The following MTCL1 variants were observed in gnomAD, a reference collection of about 807,000 sequenced individuals.
The protein encoded by MTCL1 is microtubule cross-linking factor 1.
A neutral mutation model predicts 141.4 loss-of-function variants in MTCL1; 79 were observed. That is an observed-to-expected ratio of 0.56 (90% CI 0.47 to 0.67). The LOEUF (loss-of-function observed/expected upper bound fraction) is 0.67. MTCL1 is among the 30% of genes least tolerant of loss of function. The pLI, the probability that MTCL1 is intolerant of heterozygous loss-of-function variation, is 0.00. For synonymous variants in MTCL1, 914 were observed against 875.8 expected (o/e 1.04, Z -0.77); for missense variants, 2,177 against 2,113.9 (o/e 1.03, Z -0.59).
chr18:8,734,131 C>G (rs892435835), intron 4 of MTCL1, among the ~76,000 whole-genome samples: 1 of 151,886 alleles, frequency 6.6e-6, no homozygotes, highest in Non-Finnish European at 1.5e-5. Flanking sequence ...GGTCCTGCTT[C>G]GTTGTGGGGA....
chr18:8,817,449 G>C (rs917967931), intron 12 of MTCL1, among the ~76,000 whole-genome samples: 3 of 152,084 alleles, frequency 2.0e-5, no homozygotes, highest in African/African-American at 7.2e-5. Flanking sequence ...GGCTGAATCA[G>C]ACTCCATCTT....
intron 4 of MTCL1, among the ~76,000 whole-genome samples, chr18:8,734,902 A>G (rs1292363117): frequency 1.3e-5 from 2 of 152,188 alleles, no homozygotes; most frequent in East Asian, 1.9e-4. Flanking sequence ...TGCCTGCAGC[A>G]TCTCCTTTAC....
chr18:8,829,242 T>A, intron 16 of MTCL1: 1 of 985,480 alleles, frequency 1.0e-6, no homozygotes, highest in Non-Finnish European at 1.2e-6. Flanking sequence ...GCAGCCAATA[T>A]GCTTTCAGAG....
intron 11 of MTCL1, among the ~76,000 whole-genome samples, chr18:8,808,188 C>T (rs893763066): frequency 1.6e-4 from 24 of 152,176 alleles, no homozygotes; most frequent in African/African-American, 2.2e-4. Context: ...CTGCTGCCCG[C>T]GGGGGATTTG....
exon 1 of MTCL1, chr18:8,706,348 G>T: frequency 8.1e-7 from 1 of 1,230,490 alleles, no homozygotes; most frequent in Non-Finnish European, 1.0e-6. Flanking sequence ...GCTCCCTGCC[G>T]CCAGCAGCGA....
chr18:8,829,621 T>C (rs1310921898), intron 16 of MTCL1: 4 of 985,286 alleles, frequency 4.1e-6, no homozygotes, highest in Non-Finnish European at 4.8e-6. Context: ...GATATACTTT[T>C]TGATCAAGGA....
intron 4 of MTCL1, among the ~76,000 whole-genome samples, chr18:8,736,181 G>A (rs557715836): frequency 6.6e-6 from 1 of 152,232 alleles, no homozygotes; most frequent in South Asian, 2.1e-4. Context: ...AAAACATGCT[G>A]CCAATTACAT....
chr18:8,791,434 A>G (rs1311007474), intron 7 of MTCL1, among the ~76,000 whole-genome samples: 3 of 149,922 alleles, frequency 2.0e-5, no homozygotes, highest in South Asian at 2.2e-4. Context: ...ACCCAAATCC[A>G]TACTAGATCC....
chr18:8,794,588 C>T (rs910415813), intron 8 of MTCL1, among the ~76,000 whole-genome samples: 4 of 152,136 alleles, frequency 2.6e-5, no homozygotes, highest in African/African-American at 7.2e-5. Flanking sequence ...CTTCACATTG[C>T]CCCTGAGGCC....
intron 1 of MTCL1, among the ~76,000 whole-genome samples, chr18:8,708,725 C>T (rs184593643): frequency 3.3e-5 from 5 of 152,254 alleles, no homozygotes; most frequent in African/African-American, 7.2e-5. Flanking sequence ...GTGAGAGGGC[C>T]GTCATGCCCG....
intron 4 of MTCL1, among the ~76,000 whole-genome samples, chr18:8,775,001 G>T (rs2096500371): frequency 6.6e-6 from 1 of 152,080 alleles, no homozygotes; most frequent in Non-Finnish European, 1.5e-5. Flanking sequence ...CCATCCAAGG[G>T]CTCCCACCCA....
chr18:8,705,973 C>G lies in MTCL1; in HGVS notation c.313C>G (p.Pro105Ala), dbSNP rs1259179774. The change falls in exon 1 of 14, where the codon CCG becomes GCG. Residue 105 changes from proline (P) to alanine (A), a missense_variant. Transcript: ENST00000306329. The surrounding 1 kb of genome is among the most constrained non-coding windows in gnomAD (Gnocchi z 5.2). ...CCTCTCTCGGCGCAGTGGCGGCGTC[C>G]CGGGCGCGAAGGACAAGCCCCCGCC... 4.4e-6 allele frequency: 5 copies of G among 1,132,512 alleles called. No individual in the cohort carries two copies. 70.2% of individuals were successfully genotyped at this position (1,132,512 alleles called of 1,614,324 possible). A position where few individuals can be genotyped will look rare whatever the true frequency, so the allele number is the denominator to read the frequency against.
At chr18:8,765,211 G>A (rs564522489) in intron 4 of MTCL1, among the ~76,000 whole-genome samples, 3 of 152,158 alleles carry the variant, frequency 2.0e-5, no homozygotes, top group East Asian at 3.9e-4. Flanking sequence ...GATAAATGTC[G>A]TGGCAGCAGG....
At chr18:8,744,868 C>A (rs1453496733) in intron 4 of MTCL1, among the ~76,000 whole-genome samples, 6 of 152,222 alleles carry the variant, frequency 3.9e-5, no homozygotes, top group South Asian at 4.1e-4. Context: ...CCCTCCACCC[C>A]CCGGAAGTTC....
At chr18:8,831,748 T>C (rs762441352) in exon 17 of MTCL1, 62 of 1,550,254 alleles carry the variant, frequency 4.0e-5, no homozygotes, top group Non-Finnish European at 5.2e-5. Flanking sequence ...AGACCCGACG[T>C]CCTTGGAGGA....
At chr18:8,770,820 G>C (rs1025489217) in intron 4 of MTCL1, among the ~76,000 whole-genome samples, 1 of 152,218 alleles carries the variant, frequency 6.6e-6, no homozygotes, top group Middle Eastern at 3.4e-3. Context: ...TTTTCCACTG[G>C]ATCTGAGAAG....
chr18:8,725,846 G>T (rs528244687), intron 4 of MTCL1, among the ~76,000 whole-genome samples: 117 of 134,166 alleles, frequency 8.7e-4, no homozygotes, highest in African/African-American at 3.2e-3. Flanking sequence ...CTGGAGTGCA[G>T]TGGCACGATC....
intron 4 of MTCL1, among the ~76,000 whole-genome samples, chr18:8,725,205 G>C (rs1010878016): frequency 3.3e-5 from 5 of 152,078 alleles, no homozygotes; most frequent in African/African-American, 1.2e-4. Context: ...ACATGTTCTA[G>C]ATCATTCCAG....
rs117991393 is a variant in MTCL1, at chr18:8,768,008, C to T, written c.358-9825C>T. The stretch of plus-strand genomic sequence containing the variant: ...TGTCATTAAAATTTTTTAGTAATCA[C>T]GATTTTTAATGGCTACACAATATTA... On this transcript the variant is annotated intron_variant, in intron 4 of 16. Transcript: ENST00000359865. Among the ~76,000 whole-genome samples, 35 of 152,238 alleles carry T rather than the reference C, an allele frequency of 2.3e-4. No individual in the cohort carries two copies. In the East Asian group the frequency reaches 5.8e-3, roughly 25 times the overall value.
Sources: allele counts gnomAD v4.1 joint callset (sites outside exome capture counted in the v4.1 genomes callset), GRCh38; gene constraint gnomAD v4.1.1; non-coding constraint Gnocchi (gnomAD v3.1); transcripts MANE v1.5; gene names NCBI Gene and HGNC (gene_info 2026-07-23, HGNC 2026-07-21).